The following NBAS variants were observed in gnomAD, a reference collection of about 807,000 sequenced individuals.
NBAS encodes the protein NAG/BC035112 fusion.
In NBAS, 219 loss-of-function variants were observed where a neutral mutation model predicts 302.5. That is an observed-to-expected ratio of 0.72 (90% CI 0.65 to 0.81). NBAS has a LOEUF of 0.81. Among genes scored for constraint, NBAS ranks in the 30% least tolerant of loss-of-function variants. The pLI is 0.00. For missense variants in NBAS, 2,932 were observed against 2,841.6 expected (o/e 1.03, Z -0.72); for synonymous variants, 1,118 against 1,021.6 (o/e 1.09, Z -1.80).
intron 50 of NBAS, among the ~76,000 whole-genome samples, chr2:15,182,621 C>A (rs1483443541): frequency 6.6e-6 from 1 of 152,138 alleles, no homozygotes; most frequent in Non-Finnish European, 1.5e-5. Context: ...TCACAAATAG[C>A]GGGACCTCGG....
At chr2:15,212,834 CCTGAGGCCT>C (rs1281448575) in intron 48 of NBAS, among the ~76,000 whole-genome samples, 1 of 150,454 alleles carries the variant, frequency 6.6e-6, no homozygotes. Flanking sequence ...TTATAAGTTT[CCTGAGGCCT>C]CCCCAGCCCT....
the NBAS span, among the ~76,000 whole-genome samples, chr2:14,960,041 A>G: frequency 1.3e-5 from 2 of 152,218 alleles, no homozygotes. Context: ...TTTACCTTAT[A>G]GTACTTGCTA....
At position 15,219,405 on chromosome 2, in the gene NBAS, GAGGGA is replaced by G. The variant is rs546709535; in HGVS notation, c.6237-442_6237-438del. Among the ~76,000 whole-genome samples, 858 of 145,292 alleles carry G rather than the reference GAGGGA, an allele frequency of 5.9e-3. 5 individuals are homozygous for G. Among genetic ancestry groups the G allele is most frequent in the Middle Eastern group, 0.028 (8 of 288 alleles). On this transcript the variant is annotated intron_variant, in intron 47 of 51. Coordinates refer to ENST00000281513, the MANE Select transcript of NBAS (RefSeq NM_015909.4). ...TTGGCAGGGTCATAGGACAACAGTG[GAGGGA>G]AGGTCAGCAGATAAACAAGTGAACA...
At chr2:15,302,274 A>G (rs922901874) in intron 40 of NBAS, among the ~76,000 whole-genome samples, 1 of 152,132 alleles carries the variant, frequency 6.6e-6, no homozygotes, top group African/African-American at 2.4e-5. Context: ...TAGACCTACA[A>G]TCGGATGCTT....
chr2:15,194,711 CA>C (rs1487683059), intron 48 of NBAS, among the ~76,000 whole-genome samples: 1 of 151,992 alleles, frequency 6.6e-6, no homozygotes, highest in Non-Finnish European at 1.5e-5. Flanking sequence ...AGTTGTAAAC[CA>C]TATGACATTC....
rs761053229 is a variant in NBAS at position 15,465,369 on chromosome 2, C to A, written c.2097+1960G>T. Among the ~76,000 whole-genome samples the A allele has an allele frequency of 7.7e-4, 117 of 152,274 alleles. No homozygotes were observed. In the Middle Eastern group the frequency reaches 0.017, roughly 22 times the overall value. On this transcript the variant is annotated intron_variant, in intron 19 of 51. Coordinates refer to ENST00000281513, the MANE Select transcript of NBAS (RefSeq NM_015909.4). Reference sequence around the variant, plus strand: ...ACATCCCCAGGAAGAATTTGACATTCTTCTTCATTATGTTTCCTCATCAAT... The same window carrying A: ...ACATCCCCAGGAAGAATTTGACATTATTCTTCATTATGTTTCCTCATCAAT...
intron 25 of NBAS, among the ~76,000 whole-genome samples, chr2:15,405,110 C>T (rs759952620): frequency 6.6e-6 from 1 of 152,160 alleles, no homozygotes; most frequent in Non-Finnish European, 1.5e-5. Context: ...ACATGTCTTG[C>T]CATGTCTAAA....
chr2:15,130,606 G>A, the NBAS span, among the ~76,000 whole-genome samples: 1 of 152,260 alleles, frequency 6.6e-6, no homozygotes, highest in Non-Finnish European at 1.5e-5. Flanking sequence ...AGTGACTTGG[G>A]CAGGGCCACA....
intron 51 of NBAS, among the ~76,000 whole-genome samples, chr2:15,170,391 T>A (rs1664239596): frequency 6.6e-6 from 1 of 152,216 alleles, no homozygotes; most frequent in Non-Finnish European, 1.5e-5. Context: ...CTTGCCTTCT[T>A]GGCTGAGAAT....
the NBAS span, among the ~76,000 whole-genome samples, chr2:14,844,391 G>C: frequency 4.6e-5 from 7 of 152,200 alleles, no homozygotes; most frequent in Admixed American, 1.3e-4. Flanking sequence ...TGAATAATCA[G>C]CAGTGATACC....
chr2:15,234,853 C>A, intron 45 of NBAS, 106 bp from the exon 46 acceptor site: 1 of 1,133,072 alleles, frequency 8.8e-7, no homozygotes. Context: ...ACATGAAAAG[C>A]AGCAACACCA....
At chr2:15,406,956 A>C (rs557309878) in intron 25 of NBAS, among the ~76,000 whole-genome samples, 2 of 152,326 alleles carry the variant, frequency 1.3e-5, no homozygotes, top group African/African-American at 4.8e-5. Context: ...AAATTAGAAC[A>C]GTCCTACTAA....
chr2:15,247,332 C>T (rs11892206), intron 44 of NBAS, among the ~76,000 whole-genome samples: 82,838 of 151,968 alleles, frequency 0.55, 24,496 homozygotes, highest in East Asian at 0.85. Context: ...CATCAATTAA[C>T]GGCCAAAATA....
At chr2:14,934,590 T>C in the NBAS span, among the ~76,000 whole-genome samples, 1 of 152,298 alleles carries the variant, frequency 6.6e-6, no homozygotes, top group Admixed American at 6.5e-5. Flanking sequence ...CCACTTTCCA[T>C]TTCCTTGTAA....
chr2:14,790,600 C>G, the NBAS span, among the ~76,000 whole-genome samples: 1 of 151,582 alleles, frequency 6.6e-6, no homozygotes, highest in Non-Finnish European at 1.5e-5. Flanking sequence ...ATCCAAGCCA[C>G]TCTTTCAATC....
At chr2:15,433,068 G>C (rs1455277729) in intron 21 of NBAS, among the ~76,000 whole-genome samples, 1 of 152,146 alleles carries the variant, frequency 6.6e-6, no homozygotes, top group African/African-American at 2.4e-5. Flanking sequence ...TTTAATCTCT[G>C]GGACCCAGCT....
At chr2:15,388,857 A>T (rs776513440) in intron 28 of NBAS, among the ~76,000 whole-genome samples, 2 of 152,160 alleles carry the variant, frequency 1.3e-5, no homozygotes, top group Non-Finnish European at 2.9e-5. Flanking sequence ...TCACAAACAT[A>T]ACGTCGAGAG....
the NBAS span, among the ~76,000 whole-genome samples, chr2:14,844,660 A>T: frequency 3.3e-5 from 5 of 152,238 alleles, no homozygotes; most frequent in African/African-American, 1.2e-4. Flanking sequence ...TCTGGGTCAG[A>T]TGGGAGCCCA....
intron 25 of NBAS, among the ~76,000 whole-genome samples, chr2:15,410,727 A>C (rs1433200777): frequency 6.6e-6 from 1 of 152,258 alleles, no homozygotes; most frequent in Non-Finnish European, 1.5e-5. Context: ...AAATAATTTA[A>C]TGCCTTTTCA....
Sources: gnomAD v4.1 joint callset for allele counts (sites outside exome capture counted in the v4.1 genomes callset) on GRCh38, gnomAD v4.1.1 for gene constraint, MANE v1.5 for transcripts, NCBI Gene and HGNC (gene_info 2026-07-23, HGNC 2026-07-21) for gene names.